ELFN2: variants seen among roughly 807,000 people sequenced by gnomAD.
ELFN2 encodes the protein protein phosphatase 1 regulatory subunit 29.
Under a neutral mutation model 45.5 loss-of-function variants are expected in ELFN2, and 17 were observed. That is an observed-to-expected ratio of 0.37 (90% confidence interval 0.26 to 0.56). The LOEUF (loss-of-function observed/expected upper bound fraction) is 0.56. Among genes scored for constraint, ELFN2 ranks in the 20% least tolerant of loss-of-function variants. The probability of loss-of-function intolerance (pLI) is 0.77; values close to 1 mark genes in which losing one functional copy is unlikely to be tolerated. For missense variants in ELFN2, 922 were observed against 1,183.2 expected (o/e 0.78, Z 3.24); for synonymous variants, 550 against 551.5 (o/e 1.00, Z 0.04).
At chr22:37,411,667 G>C (rs1428757310) in intron 2 of ELFN2, among the ~76,000 whole-genome samples, 2 of 152,204 alleles carry the variant, frequency 1.3e-5, no homozygotes, top group Non-Finnish European at 2.9e-5. Flanking sequence ...GGTGGGTTGA[G>C]CTGTGACCCA....
chr22:37,379,383 T>C (rs539801257), intron 2 of ELFN2, among the ~76,000 whole-genome samples: 1 of 152,190 alleles, frequency 6.6e-6, no homozygotes, highest in South Asian at 2.1e-4. Context: ...CAGAGCCCGG[T>C]GGCACAGCCC....
At chr22:37,366,354 TC>T (rs1931206381), downstream of ELFN2, among the ~76,000 whole-genome samples, 1 of 152,258 alleles carries the variant, frequency 6.6e-6, no homozygotes, top group African/African-American at 2.4e-5. Context: ...AGCAAAGCCA[TC>T]CCGGAGGACA....
chr22:37,421,950 T>C (rs1430670314), intron 1 of ELFN2, among the ~76,000 whole-genome samples: 2 of 152,022 alleles, frequency 1.3e-5, no homozygotes, highest in Non-Finnish European at 2.9e-5. Context: ...AGAAGGATAA[T>C]AGATGGGCCA....
In ELFN2 at chr22:37,375,833, T is replaced by C; in HGVS notation, c.-299A>G. On this transcript the variant is annotated 5_prime_UTR_variant, in exon 3 of 3. Transcript: ENST00000402918. ...CAAGGGTTCTCAGGGCTTGACTTCC[T>C]CTCCCTCCTCCTCCTCCTCCTCCTC... The C allele has an allele frequency of 2.3e-6, 1 of 431,696 alleles. No homozygotes were observed. 26.7% of individuals were successfully genotyped at this position (431,696 alleles called of 1,614,324 possible).
intron 2 of ELFN2, among the ~76,000 whole-genome samples, chr22:37,396,786 C>T (rs1425614940): frequency 6.6e-6 from 1 of 152,176 alleles, no homozygotes; most frequent in Non-Finnish European, 1.5e-5. Context: ...CGCGCTCGGT[C>T]ATGGTCACCA....
chr22:37,381,982 AAAAAAAAAAG>A (rs1436902664), intron 2 of ELFN2, among the ~76,000 whole-genome samples: 86 of 148,830 alleles, frequency 5.8e-4, no homozygotes, highest in African/African-American at 2.1e-3. Flanking sequence ...AAAAAAAAAA[AAAAAAAAAAG>A]AATCTTCAAT....
intron 2 of ELFN2, among the ~76,000 whole-genome samples, chr22:37,387,273 C>CA (rs1931973713): frequency 6.6e-6 from 1 of 152,196 alleles, no homozygotes; most frequent in African/African-American, 2.4e-5. Context: ...CTCCCAGCGC[C>CA]AAAGCACAAT....
downstream of ELFN2, among the ~76,000 whole-genome samples, chr22:37,364,095 TC>T (rs1461537537): frequency 6.6e-6 from 1 of 152,070 alleles, no homozygotes; most frequent in African/African-American, 2.4e-5. Context: ...AGAATTGGAT[TC>T]CCCAGCCCCA....
chr22:37,367,585 C>T (rs1355940046), downstream of ELFN2, among the ~76,000 whole-genome samples: 1 of 152,200 alleles, frequency 6.6e-6, no homozygotes, highest in African/African-American at 2.4e-5. Flanking sequence ...TAGTAATGCC[C>T]CCACATGGCC....
intron 2 of ELFN2, among the ~76,000 whole-genome samples, chr22:37,407,997 C>G (rs79314800): frequency 0.02 from 3,033 of 152,304 alleles, 120 homozygotes; most frequent in African/African-American, 0.07. Context: ...TTCTCTGGAC[C>G]TCTGTTTCAT....
intron 1 of ELFN2, among the ~76,000 whole-genome samples, chr22:37,359,407 G>T (rs1033386554): frequency 6.6e-6 from 1 of 152,108 alleles, no homozygotes; most frequent in Non-Finnish European, 1.5e-5. Context: ...TACCCCACTC[G>T]GAGGTTCTCC....
At chr22:37,381,173 T>C (rs748611303) in intron 2 of ELFN2, among the ~76,000 whole-genome samples, 5 of 152,136 alleles carry the variant, frequency 3.3e-5, no homozygotes, top group Non-Finnish European at 7.4e-5. Flanking sequence ...TCCTCGAATC[T>C]TATATCAACC....
rs753998297 is a variant in ELFN2 at position 37,374,092 on chromosome 22, C to T, written c.1443G>A (p.Leu481=). ...ASIPSMIGEK[L]PTAKGLEAGL... is the part of the protein sequence containing the mutation. ...CGGCCTCCAACCCCTTGGCGGTGGG[C>T]AGCTTCTCCCCGATCATGGAGGGGA... Residue 481 remains leucine (L), a synonymous_variant, in exon 3 of 3, where the codon CTG becomes CTA. Transcript: ENST00000402918. 2.5e-6 allele frequency: 4 copies of T among 1,613,106 alleles called. No homozygotes were observed. Among genetic ancestry groups the T allele is most frequent in the Non-Finnish European group, 2.5e-6 (3 of 1,180,022 alleles).
chr22:37,421,189 T>A (rs1932806608), intron 1 of ELFN2, among the ~76,000 whole-genome samples: 1 of 152,114 alleles, frequency 6.6e-6, no homozygotes, highest in African/African-American at 2.4e-5. Flanking sequence ...CAGACTCATC[T>A]TCTCAAAATC....
chr22:37,362,525 G>A (rs1182588545), intron 1 of ELFN2, among the ~76,000 whole-genome samples: 1 of 152,212 alleles, frequency 6.6e-6, no homozygotes. Context: ...TATTGTACAG[G>A]TGGCATCTCT....
At chr22:37,394,420 C>T (rs539266937) in intron 2 of ELFN2, among the ~76,000 whole-genome samples, 30 of 152,328 alleles carry the variant, frequency 2.0e-4, no homozygotes, top group Admixed American at 9.1e-4. Context: ...TAAAGCCAGA[C>T]GTCCTCCTGA....
At chr22:37,376,230 G>T (rs992712086) in intron 2 of ELFN2, among the ~76,000 whole-genome samples, 2 of 152,108 alleles carry the variant, frequency 1.3e-5, no homozygotes, top group Non-Finnish European at 2.9e-5. Flanking sequence ...AGGGGGAGTA[G>T]GGGCAGAGAC....
intron 1 of ELFN2, among the ~76,000 whole-genome samples, chr22:37,349,453 C>A (rs1186770697): frequency 1.3e-5 from 2 of 151,198 alleles, no homozygotes; most frequent in African/African-American, 2.4e-5. Flanking sequence ...CCTGAGAGGC[C>A]CCCCAGGGGC....
intron 2 of ELFN2, among the ~76,000 whole-genome samples, chr22:37,403,736 C>A (rs1052371662): frequency 6.6e-6 from 1 of 152,266 alleles, no homozygotes; most frequent in Non-Finnish European, 1.5e-5. Context: ...CTCATCATCT[C>A]AGCCCAAACG....
Sources: gnomAD v4.1 joint callset for allele counts (sites outside exome capture counted in the v4.1 genomes callset) on GRCh38, gnomAD v4.1.1 for gene constraint, MANE v1.5 for transcripts, NCBI Gene and HGNC (gene_info 2026-07-23, HGNC 2026-07-21) for gene names.